Variants in COPB1 observed in about 807,000 individuals in gnomAD.
COPB1 encodes coat protein complex I subunit beta 1.
A neutral mutation model predicts 108.7 loss-of-function variants in COPB1; 21 were observed. The observed-to-expected ratio is 0.19, with a 90% confidence interval of 0.14 to 0.28. The LOEUF (loss-of-function observed/expected upper bound fraction) is 0.28. Among genes scored for constraint, COPB1 ranks in the 10% least tolerant of loss-of-function variants. The pLI is 1.00. For missense variants in COPB1, 919 were observed against 1,141.3 expected (o/e 0.81, Z 2.81); for synonymous variants, 378 against 386.8 (o/e 0.98, Z 0.27).
At chr11:14,480,957 T>C (rs1042954873) in intron 9 of COPB1, 33 bp downstream of exon 9, 2 of 1,611,106 alleles carry the variant, frequency 1.2e-6, no homozygotes, top group Non-Finnish European at 8.5e-7. Flanking sequence ...TTGGGCCTGA[T>C]AGCTACAAAG....
At position 14,476,983 on chromosome 11, in the gene COPB1, T is replaced by A. The variant is rs745986255; in HGVS notation, c.1391A>T (p.Glu464Val). 1 of 1,612,186 alleles carries A rather than the reference T, an allele frequency of 6.2e-7. No individual in the cohort carries two copies. Among genetic ancestry groups the A allele is most frequent in the Non-Finnish European group, 8.5e-7 (1 of 1,178,280 alleles). ...IYRGALWILGEYCSTKEDIQS... is the reference protein window; with the variant it reads ...IYRGALWILGVYCSTKEDIQS... ...AATGTCTTCCTTGGTACTACAGTAT[T>A]CTCCCAGGATCCATAATGCTCCTCG... The change falls in exon 12 of 22, where the codon GAA becomes GTA. Residue 464 changes from glutamate (E) to valine (V), a missense_variant. Glu to Val is a moderately radical substitution (Grantham distance 121, BLOSUM62 -2). Around this residue, in one of 5 missense-constraint regions of COPB1, gnomAD observed 705 missense variants for 817.8 expected, o/e 0.86. Transcript: ENST00000439561.
intron 17 of COPB1, 54 bp downstream of exon 17, chr11:14,466,228 G>A: frequency 6.4e-7 from 1 of 1,561,386 alleles, no homozygotes; most frequent in Non-Finnish European, 8.8e-7. Flanking sequence ...CCCTTAATCT[G>A]TCATAAAGAT....
At chr11:14,498,113 C>A (rs548654714) in intron 2 of COPB1, among the ~76,000 whole-genome samples, 1 of 152,200 alleles carries the variant, frequency 6.6e-6, no homozygotes, top group East Asian at 1.9e-4. Context: ...TTTGATAGCA[C>A]ACAGGGTAAC....
intron 2 of COPB1, among the ~76,000 whole-genome samples, chr11:14,494,927 G>C (rs1446811844): frequency 2.0e-5 from 3 of 152,206 alleles, no homozygotes; most frequent in Admixed American, 2.0e-4. Context: ...ACTCAAAAAG[G>C]CTGAAAACTA....
intron 2 of COPB1, among the ~76,000 whole-genome samples, chr11:14,497,661 A>C (rs1173611778): frequency 1.3e-5 from 2 of 152,254 alleles, no homozygotes; most frequent in African/African-American, 2.4e-5. Context: ...AAACAGGGGT[A>C]CCATACGATT....
chr11:14,459,708 T>C (rs1232430516), intron 20 of COPB1, among the ~76,000 whole-genome samples: 1 of 149,374 alleles, frequency 6.7e-6, no homozygotes, highest in African/African-American at 2.5e-5. Context: ...CTCCACCCCC[T>C]GGGGTTCAGG....
chr11:14,490,694 G>A lies in COPB1; in HGVS notation c.492-15C>T. On this transcript the variant is annotated splice_polypyrimidine_tract_variant and intron_variant, in intron 4 of 21. Transcript: ENST00000439561. ...GTTCAAAATTTCTTTAAATAAAACA[G>A]GTAACATCCATATTTAATAAAAGCC... 2 of 1,379,158 alleles carry A rather than the reference G, an allele frequency of 1.5e-6. No individual in the cohort carries two copies. Among genetic ancestry groups the A allele is most frequent in the Admixed American group, 1.8e-5 (1 of 54,734 alleles). 85.4% of individuals were successfully genotyped at this position (1,379,158 alleles called of 1,614,324 possible). A position where few individuals can be genotyped will look rare whatever the true frequency, so the allele number is the denominator to read the frequency against.
At chr11:14,467,517 T>C (rs1246978064) in intron 16 of COPB1, among the ~76,000 whole-genome samples, 1 of 152,148 alleles carries the variant, frequency 6.6e-6, no homozygotes. Context: ...TATCATATGA[T>C]CCAGCAATTC....
At chr11:14,462,784 T>C (rs1317931616) in intron 18 of COPB1, among the ~76,000 whole-genome samples, 1 of 152,092 alleles carries the variant, frequency 6.6e-6, no homozygotes, top group Non-Finnish European at 1.5e-5. Flanking sequence ...CTTTCATCCT[T>C]ATGTCTTTAC....
chr11:14,486,890 T>C (rs547865909), intron 6 of COPB1, among the ~76,000 whole-genome samples: 3 of 152,192 alleles, frequency 2.0e-5, no homozygotes, highest in Admixed American at 6.5e-5. Flanking sequence ...AAAAAGAAAA[T>C]GTAAAGTAAC....
chr11:14,494,246 T>C lies in COPB1; in HGVS notation c.285A>G (p.Leu95=). The change falls in exon 3 of 22, where the codon TTA becomes TTG. Residue 95 remains leucine, a synonymous_variant. Transcript: ENST00000439561. The stretch of plus-strand genomic sequence containing the variant: ...CATCACATACAAGGATCATCTCATG[T>C]AAAAGTCTCCCATCTGGAGTTGTTT... ...VPKTTPDGRL[L]HEMILVCDAY... 6.2e-7 allele frequency: 1 copy of C among 1,613,542 alleles called. No homozygotes were observed. Among genetic ancestry groups the C allele is most frequent in the Non-Finnish European group, 8.5e-7 (1 of 1,179,632 alleles).
intron 16 of COPB1, among the ~76,000 whole-genome samples, chr11:14,466,797 C>T (rs911202475): frequency 9.9e-5 from 15 of 152,134 alleles, no homozygotes; most frequent in African/African-American, 3.6e-4. Flanking sequence ...ATTTAAATCC[C>T]TCAGTAAGTA....
At chr11:14,471,812 C>G (rs962429096) in intron 14 of COPB1, among the ~76,000 whole-genome samples, 2 of 152,090 alleles carry the variant, frequency 1.3e-5, no homozygotes, top group African/African-American at 4.8e-5. Flanking sequence ...GCCCCAGCTA[C>G]TCGGGAGGCT....
intron 13 of COPB1, among the ~76,000 whole-genome samples, chr11:14,474,877 C>G (rs959115730): frequency 6.6e-6 from 1 of 151,988 alleles, no homozygotes; most frequent in Non-Finnish European, 1.5e-5. Context: ...GGGCGGATTA[C>G]CTGAGGTCAG....
Position 14,486,376 on chromosome 11 carries a change from A to G in COPB1, c.828T>C (p.Thr276=). 1 of 1,614,144 alleles carries G rather than the reference A, an allele frequency of 6.2e-7. No individual in the cohort carries two copies. Among genetic ancestry groups the G allele is most frequent in the Non-Finnish European group, 8.5e-7 (1 of 1,180,010 alleles). Reference sequence around the variant, plus strand: ...AAGAAATACACAGTACCTTGATTGCAGTTGGTGCACTAGAGAGTGTCACTA... The same window carrying G: ...AAGAAATACACAGTACCTTGATTGCGGTTGGTGCACTAGAGAGTGTCACTA... ...GTLVTLSSAP[T]AIKAAAQCYI... The change falls in exon 7 of 22, where the codon ACT becomes ACC. Residue 276 remains threonine, a synonymous_variant. Transcript: ENST00000439561.
intron 7 of COPB1, among the ~76,000 whole-genome samples, chr11:14,484,730 CA>C (rs1850734163): frequency 6.6e-6 from 1 of 151,892 alleles, no homozygotes; most frequent in Non-Finnish European, 1.5e-5. Context: ...AAAACAAAAA[CA>C]AAACAAAAAA....
Position 14,490,684 on chromosome 11 carries a change from A to C in COPB1, c.492-5T>G. The C allele has an allele frequency of 6.6e-7, 1 of 1,519,654 alleles. No individual in the cohort carries two copies. Among genetic ancestry groups the C allele is most frequent in the Non-Finnish European group, 9.1e-7 (1 of 1,101,328 alleles). The allele number at this position is 1,519,654 out of a possible 1,614,324, so 94.1% of individuals were successfully genotyped here. ...GGTATAAGATGTTCAAAATTTCTTT[A>C]AATAAAACAGGTAACATCCATATTT... On this transcript the variant is annotated splice_polypyrimidine_tract_variant and splice_region_variant and intron_variant, in intron 4 of 21. Coordinates refer to ENST00000439561, the MANE Select transcript of COPB1 (RefSeq NM_001144061.2).
chr11:14,483,068 T>C lies in COPB1; in HGVS notation c.921A>G (p.Glu307=). Residue 307 remains glutamate, a synonymous_variant, in exon 8 of 22, where the codon GAA becomes GAG. Transcript: ENST00000439561. ...GTTCATGAGCAGGATGCTCTTTTAA[T>C]TCTATCAAGCGATCCAAAACTATGA... is the stretch of plus-strand genomic sequence containing the variant. ...VKLIVLDRLI[E]LKEHPAHERV... is the part of the protein sequence containing the mutation. 1 of 1,580,102 alleles carries C rather than the reference T, an allele frequency of 6.3e-7. No homozygotes were observed. The highest frequency in any genetic ancestry group is 8.7e-7 in the Non-Finnish European group (1 of 1,154,346).
At chr11:14,495,874 GA>G (rs1360738288) in intron 2 of COPB1, among the ~76,000 whole-genome samples, 5 of 152,078 alleles carry the variant, frequency 3.3e-5, no homozygotes, top group Non-Finnish European at 5.9e-5. Context: ...AAACACTAAT[GA>G]ATGTATTCAC....
Sources: gnomAD v4.1 joint callset for allele counts (sites outside exome capture counted in the v4.1 genomes callset) on GRCh38, gnomAD v4.1.1 for gene constraint, gnomAD v4.1.1 regional missense constraint, MANE v1.5 for transcripts, NCBI Gene and HGNC (gene_info 2026-07-23, HGNC 2026-07-21) for gene names.